Variants in ABCB5 observed in about 807,000 individuals in gnomAD.
ABCB5 encodes ATP-binding cassette sub-family B member 5.
ABCB5 carries 155 observed loss-of-function variants against 144.2 expected under a neutral mutation model. The ratio of observed to expected loss-of-function variants is 1.08; its 90% CI spans 0.94 to 1.23. The LOEUF is 1.23. ABCB5 is among the 50% of genes most tolerant of loss of function. ABCB5 has a pLI of 0.00. For synonymous variants in ABCB5, 610 were observed against 528.6 expected, an observed-to-expected ratio of 1.15 and a Z score of -2.11; for missense variants, 1,830 against 1,520.8, an observed-to-expected ratio of 1.20 and a Z score of -3.38.
At chr7:20,753,668 T>G (rs1400854856) in intron 27 of ABCB5, among the ~76,000 whole-genome samples, 162 bp downstream of exon 27, 1 of 152,094 alleles carries the variant, frequency 6.6e-6, no homozygotes, top group African/African-American at 2.4e-5. Context: ...AAAAGGTCAG[T>G]AGGTGGTGGG....
intron 26 of ABCB5, among the ~76,000 whole-genome samples, chr7:20,746,254 C>T (rs768399879): frequency 2.6e-5 from 4 of 152,162 alleles, no homozygotes; most frequent in Admixed American, 6.5e-5. Context: ...TGTGCCATCA[C>T]GCCCGGCTAA....
At chr7:20,736,000 A>G (rs1782367860) in intron 23 of ABCB5, among the ~76,000 whole-genome samples, 2 of 152,206 alleles carry the variant, frequency 1.3e-5, no homozygotes, top group Non-Finnish European at 2.9e-5. Flanking sequence ...TCTGTTGAGA[A>G]AAGGATTTAG....
intron 24 of ABCB5, among the ~76,000 whole-genome samples, chr7:20,740,345 C>T (rs1385177963): frequency 1.3e-5 from 2 of 151,942 alleles, no homozygotes; most frequent in African/African-American, 4.8e-5. Context: ...AAAAATAGTC[C>T]ATTAGGTATA....
At position 20,738,985 on chromosome 7, in the gene ABCB5, T is replaced by C. The variant is rs543986646; in HGVS notation, c.2870T>C (p.Val957Ala). ...GRMTPEGMFI[V>A]FTAIAYGAMA... ...TCAAATGCTTTATCTTTTGATAGAGTTTTTACTGCAATTGCATATGGAGCT... is the reference window on the plus strand; with the variant it reads ...TCAAATGCTTTATCTTTTGATAGAGCTTTTACTGCAATTGCATATGGAGCT... Residue 957 changes from valine (V) to alanine (A), a missense_variant and splice_region_variant, in exon 24 of 28, where the codon GTT (valine) becomes GCT (alanine). By Grantham distance (64) the Val-to-Ala change is moderately conservative. Coordinates refer to ENST00000404938, the MANE Select transcript of ABCB5 (RefSeq NM_001163941.2). 38 of 1,591,760 alleles carry C rather than the reference T, an allele frequency of 2.4e-5. No homozygotes were observed. Among genetic ancestry groups the C allele is most frequent in the Admixed American group, 3.6e-5 (2 of 55,952 alleles).
At chr7:20,664,215 A>G (rs1785098756) in intron 14 of ABCB5, among the ~76,000 whole-genome samples, 2 of 152,188 alleles carry the variant, frequency 1.3e-5, no homozygotes. Context: ...TTTTTCCACA[A>G]TTTTAAAAAC....
chr7:20,699,461 G>T (rs1786531654), intron 17 of ABCB5, among the ~76,000 whole-genome samples: 1 of 152,146 alleles, frequency 6.6e-6, no homozygotes, highest in African/African-American at 2.4e-5. Flanking sequence ...AGCACTTTGG[G>T]AGGCGGAGGC....
At position 20,750,898 on chromosome 7, in the gene ABCB5, G is replaced by A. The variant is rs567895254; in HGVS notation, c.3430-2462G>A. ...ATAGGACAGAAGTGGAAGCAACACC[G>A]CCTTGACCTCAAGGATCCTCTGAGA... is the stretch of plus-strand genomic sequence containing the variant. On this transcript the variant is annotated intron_variant, in intron 26 of 27. Coordinates refer to ENST00000404938, the MANE Select transcript of ABCB5 (RefSeq NM_001163941.2). Among the ~76,000 whole-genome samples, 432 of 152,200 alleles carry A rather than the reference G, an allele frequency of 2.8e-3. 2 individuals carry two copies. Among genetic ancestry groups the A allele is most frequent in the African/African-American group, 9.7e-3 (403 of 41,504 alleles).
At chr7:20,688,720 A>C (rs1786091869) in intron 16 of ABCB5, among the ~76,000 whole-genome samples, 1 of 152,206 alleles carries the variant, frequency 6.6e-6, no homozygotes, top group Non-Finnish European at 1.5e-5. Context: ...GAACCAACCC[A>C]AATGCCCATC....
At chr7:20,692,480 A>T (rs1465802393) in intron 16 of ABCB5, among the ~76,000 whole-genome samples, 1 of 151,568 alleles carries the variant, frequency 6.6e-6, no homozygotes. Flanking sequence ...CACTACAAGA[A>T]ATATTAAAGG....
intron 7 of ABCB5, 147 bp downstream of exon 7, chr7:20,643,779 T>C (rs1417439076): frequency 2.3e-6 from 2 of 879,026 alleles, no homozygotes; most frequent in Non-Finnish European, 3.4e-6. Flanking sequence ...CTTTTGATTT[T>C]GTTCACCATT....
At chr7:20,723,755 G>A (rs1296929305) in intron 21 of ABCB5, among the ~76,000 whole-genome samples, 1 of 152,034 alleles carries the variant, frequency 6.6e-6, no homozygotes, top group East Asian at 1.9e-4. Context: ...CAATTCTTCT[G>A]AATATTTTAT....
rs182816239 is a variant in ABCB5, at chr7:20,629,567, G to A, written c.259+729G>A. 9.2e-5 allele frequency among the ~76,000 whole-genome samples: 14 copies of A among 152,112 alleles called. No homozygotes were observed. In the East Asian group the frequency reaches 2.7e-3, roughly 29 times the overall value. On this transcript the variant is annotated intron_variant, in intron 4 of 27. Transcript: ENST00000404938. ...ACCTGAGGTCAGGAGTTCGATACTA[G>A]CCTGGCCAACATGGTGAAACCCCGT...
At chr7:20,680,527 G>A (rs372574821) in intron 14 of ABCB5, among the ~76,000 whole-genome samples, 44 of 148,866 alleles carry the variant, frequency 3.0e-4, no homozygotes, top group African/African-American at 9.2e-4. Flanking sequence ...CCGAGATTGC[G>A]CCACTGCACT....
chr7:20,743,192 G>GA (rs1465379479), intron 25 of ABCB5, 118 bp downstream of exon 25: 21 of 1,087,500 alleles, frequency 1.9e-5, no homozygotes, highest in South Asian at 6.2e-5. Context: ...AAGTTAAAAA[G>GA]AAAAAAAATC....
chr7:20,729,638 A>G (rs1782145827), intron 23 of ABCB5, among the ~76,000 whole-genome samples: 1 of 152,248 alleles, frequency 6.6e-6, no homozygotes, highest in South Asian at 2.1e-4. Context: ...AGCCTAAAAT[A>G]TCAGAAATGT....
In ABCB5 at chr7:20,623,275, T is replaced by C. The variant is rs1583373674; in HGVS notation, c.-11T>C. ...AAAATTGTATTTCAGAAGAAGTAAA[T>C]TGTAAATAAGATGGAAAATTCAGAA... On this transcript the variant is annotated 5_prime_UTR_variant, in exon 2 of 28. Transcript: ENST00000404938. 2.0e-6 allele frequency: 3 copies of C among 1,522,478 alleles called. No individual in the cohort carries two copies. The highest frequency in any genetic ancestry group is 3.4e-4 in the Middle Eastern group (2 of 5,886). The allele number at this position is 1,522,478 out of a possible 1,614,324, so 94.3% of individuals were successfully genotyped here.
At chr7:20,738,076 G>A (rs1782446328) in intron 23 of ABCB5, among the ~76,000 whole-genome samples, 1 of 152,154 alleles carries the variant, frequency 6.6e-6, no homozygotes, top group Non-Finnish European at 1.5e-5. Flanking sequence ...GAGCCCAGAC[G>A]TGTTTACTTT....
intron 14 of ABCB5, among the ~76,000 whole-genome samples, chr7:20,668,218 G>C (rs1352991252): frequency 2.4e-5 from 3 of 126,168 alleles, no homozygotes; most frequent in Non-Finnish European, 5.1e-5. Flanking sequence ...CTGCCTGGCT[G>C]CACAGTCTGG....
In ABCB5 at chr7:20,670,150, A is replaced by G. The variant is rs569795098; in HGVS notation, c.1708-11355A>G. ...AGGAGCCTAAGGCGACATGATGACA[A>G]AATGTACTGGGATATTCAGGGATGG... On this transcript the variant is annotated intron_variant, in intron 14 of 27. Transcript: ENST00000404938. 7.9e-5 allele frequency among the ~76,000 whole-genome samples: 12 copies of G among 152,348 alleles called. No individual in the cohort carries two copies. In the South Asian group the frequency reaches 2.3e-3, roughly 29 times the overall value.
Sources: allele counts gnomAD v4.1 joint callset (sites outside exome capture counted in the v4.1 genomes callset), GRCh38; gene constraint gnomAD v4.1.1; transcripts MANE v1.5; gene names NCBI Gene and HGNC (gene_info 2026-07-23, HGNC 2026-07-21).